Variants in SH3GL2 observed in about 807,000 individuals in gnomAD.
SH3GL2 encodes the protein endophilin-A1.
In SH3GL2, 24 loss-of-function variants were observed where a neutral mutation model predicts 46.0. The observed-to-expected ratio is 0.52, with a 90% CI of 0.38 to 0.73. The LOEUF (loss-of-function observed/expected upper bound fraction) is 0.73, where lower values mean the gene tolerates loss of function less well. Ranked by LOEUF, SH3GL2 falls within the 30% of genes least tolerant of loss-of-function variation. SH3GL2 has a pLI of 0.00. For synonymous variants in SH3GL2, 196 were observed against 147.1 expected, an observed-to-expected ratio of 1.33 and a Z score of -2.40; for missense variants, 413 against 424.2, an observed-to-expected ratio of 0.97 and a Z score of 0.23.
At chr9:17,622,046 T>A (rs905750676) in intron 1 of SH3GL2, among the ~76,000 whole-genome samples, 3 of 152,214 alleles carry the variant, frequency 2.0e-5, no homozygotes, top group Admixed American at 2.0e-4. Context: ...TTTTGATTAT[T>A]CCCAAAGGTA....
intron 1 of SH3GL2, among the ~76,000 whole-genome samples, chr9:17,683,308 G>A (rs1820822494): frequency 6.6e-6 from 1 of 152,066 alleles, no homozygotes; most frequent in African/African-American, 2.4e-5. Context: ...ATGGAAGAAT[G>A]GCATTCTTAT....
Position 17,579,205 on chromosome 9 carries a change from C to T in SH3GL2, c.-38C>T, listed in dbSNP as rs767184627. The T allele has an allele frequency of 3.3e-6, 5 of 1,500,638 alleles. No individual in the cohort carries two copies. In the Admixed American group the frequency reaches 6.1e-5, roughly 18 times the overall value. 93.0% of individuals were successfully genotyped at this position (1,500,638 alleles called of 1,614,324 possible). ...CCCTCCAGTCCCCCTCCGCCTCCTC[C>T]CTCCCGCACAGCAGCCGCCAGCGCG... On this transcript the variant is annotated 5_prime_UTR_variant, in exon 1 of 9. Transcript: ENST00000380607.
chr9:17,599,180 G>T (rs1023725114), intron 1 of SH3GL2, among the ~76,000 whole-genome samples: 1 of 152,154 alleles, frequency 6.6e-6, no homozygotes, highest in Admixed American at 6.6e-5. Flanking sequence ...AGGTAAAAGA[G>T]TGTAAAAAGA....
chr9:17,602,247 T>C (rs1482589105), intron 1 of SH3GL2, among the ~76,000 whole-genome samples: 3 of 152,142 alleles, frequency 2.0e-5, no homozygotes, highest in Admixed American at 2.0e-4. Flanking sequence ...TCTTTATTTT[T>C]GGGATCACAG....
intron 1 of SH3GL2, among the ~76,000 whole-genome samples, chr9:17,667,963 C>T (rs924958592): frequency 3.3e-5 from 5 of 152,116 alleles, no homozygotes; most frequent in African/African-American, 4.8e-5. Context: ...TTTAGAGAAA[C>T]GTCTTCTTTA....
intron 7 of SH3GL2, among the ~76,000 whole-genome samples, chr9:17,793,077 C>T (rs1335088240): frequency 6.6e-6 from 1 of 152,046 alleles, no homozygotes; most frequent in Non-Finnish European, 1.5e-5. Context: ...TTTTGTGTTC[C>T]TGGTACCTAG....
chr9:17,642,087 TC>T (rs1416460858), intron 1 of SH3GL2, among the ~76,000 whole-genome samples: 1 of 151,834 alleles, frequency 6.6e-6, no homozygotes, highest in Non-Finnish European at 1.5e-5. Flanking sequence ...TTTCTCCACA[TC>T]CTCGCCAGCA....
chr9:17,711,858 GA>G (rs1821633708), intron 1 of SH3GL2, among the ~76,000 whole-genome samples: 2 of 151,764 alleles, frequency 1.3e-5, no homozygotes, highest in African/African-American at 4.8e-5. Context: ...TTATGTGGTA[GA>G]TGTATGTTTA....
intron 1 of SH3GL2, among the ~76,000 whole-genome samples, chr9:17,655,449 C>G (rs1025079221): frequency 6.6e-6 from 1 of 152,112 alleles, no homozygotes; most frequent in African/African-American, 2.4e-5. Context: ...TAATAAAACA[C>G]ACAACATGAC....
intron 2 of SH3GL2, chr9:17,755,817 T>A: frequency 1.0e-6 from 1 of 979,806 alleles, no homozygotes; most frequent in South Asian, 4.7e-5. Context: ...ATACCAACTT[T>A]TCTTCAGGGA....
intron 1 of SH3GL2, among the ~76,000 whole-genome samples, chr9:17,653,471 A>C (rs7036904): frequency 0.48 from 72,181 of 151,826 alleles, 17,241 homozygotes; most frequent in South Asian, 0.6. Flanking sequence ...GTTTTCTAAG[A>C]TACTGTGTAG....
chr9:17,597,865 G>C (rs1245074786), intron 1 of SH3GL2, among the ~76,000 whole-genome samples: 1 of 152,134 alleles, frequency 6.6e-6, no homozygotes. Context: ...CCCTCTTTAT[G>C]CTCTGGTCCT....
rs151072736 is a variant in SH3GL2, at chr9:17,692,241, T to G, written c.46-54825T>G. On this transcript the variant is annotated intron_variant, in intron 1 of 8. Transcript: ENST00000380607. ...TGCAGAATATGCTTATCTGAGCTTT[T>G]GAGTAAGAAGGAGTGGTATACAATG... Among the ~76,000 whole-genome samples, 52 of 151,706 alleles carry G rather than the reference T, an allele frequency of 3.4e-4. No homozygotes were observed. The South Asian group carries it at 7.1e-3, about 21-fold the overall frequency.
intron 1 of SH3GL2, among the ~76,000 whole-genome samples, chr9:17,740,903 C>T (rs1014288260): frequency 1.3e-5 from 2 of 152,028 alleles, no homozygotes; most frequent in African/African-American, 4.8e-5. Flanking sequence ...GAAATTGAGG[C>T]AGCAAGAGTT....
intron 1 of SH3GL2, among the ~76,000 whole-genome samples, chr9:17,610,063 C>A (rs1296843029): frequency 6.6e-6 from 1 of 152,170 alleles, no homozygotes; most frequent in Admixed American, 6.5e-5. Flanking sequence ...TTGTCATATC[C>A]CCTGTGTGCA....
intron 1 of SH3GL2, among the ~76,000 whole-genome samples, chr9:17,700,145 G>A (rs1176455411): frequency 6.6e-6 from 1 of 152,082 alleles, no homozygotes; most frequent in African/African-American, 2.4e-5. Context: ...GGGTTCCTCT[G>A]GTATTCAGGA....
intron 1 of SH3GL2, among the ~76,000 whole-genome samples, chr9:17,731,378 A>C (rs2118417222): frequency 6.7e-6 from 1 of 149,428 alleles, no homozygotes. Context: ...TGCCCTTAAA[A>C]GAAGAGGAAG....
rs1038651422 is a variant in SH3GL2 at position 17,676,211 on chromosome 9, G to T, written c.46-70855G>T. 3.9e-5 allele frequency among the ~76,000 whole-genome samples: 6 copies of T among 152,130 alleles called. 1 individual carries two copies. In the South Asian group the frequency reaches 8.3e-4, roughly 21 times the overall value. On this transcript the variant is annotated intron_variant, in intron 1 of 8. Coordinates refer to ENST00000380607, the MANE Select transcript of SH3GL2 (RefSeq NM_003026.5). ...TCTTAATATCTAATCTTAGTCTTTA[G>T]TGTCTCTTCCTTTTCTTTTTTCCTT... is the stretch of plus-strand genomic sequence containing the variant.
At chr9:17,740,987 C>A (rs995889682) in intron 1 of SH3GL2, among the ~76,000 whole-genome samples, 8 of 151,970 alleles carry the variant, frequency 5.3e-5, no homozygotes, top group African/African-American at 1.9e-4. Flanking sequence ...GACTCTAAAT[C>A]CAATTTTTAA....
Sources: allele counts gnomAD v4.1 joint callset (sites outside exome capture counted in the v4.1 genomes callset), GRCh38; gene constraint gnomAD v4.1.1; transcripts MANE v1.5; gene names NCBI Gene and HGNC (gene_info 2026-07-23, HGNC 2026-07-21).